Variants in CTNND2 observed in about 807,000 individuals in gnomAD.
CTNND2 encodes the protein catenin delta-2.
In CTNND2, 22 loss-of-function variants were observed where a neutral mutation model predicts 144.4. The observed-to-expected ratio is 0.15, with a 90% CI of 0.11 to 0.22. CTNND2 has a LOEUF of 0.22. Ranked by LOEUF, CTNND2 falls within the 10% of genes least tolerant of loss-of-function variation. The probability of loss-of-function intolerance (pLI) is 1.00; values close to 1 mark genes in which losing one functional copy is unlikely to be tolerated. For missense variants in CTNND2, 1,353 were observed against 1,618.8 expected (o/e 0.84, Z 2.82); for synonymous variants, 751 against 695.6 (o/e 1.08, Z -1.25).
At chr5:11,359,083 T>C (rs1452260118) in intron 8 of CTNND2, among the ~76,000 whole-genome samples, 2 of 152,316 alleles carry the variant, frequency 1.3e-5, no homozygotes, top group East Asian at 1.9e-4. Flanking sequence ...CATTCATACA[T>C]TTGAGTTTGA....
intron 1 of CTNND2, among the ~76,000 whole-genome samples, chr5:11,873,340 C>G (rs1735304539): frequency 6.6e-6 from 1 of 152,102 alleles, no homozygotes; most frequent in Non-Finnish European, 1.5e-5. Context: ...ACAGTTATCC[C>G]AAAACATAGC....
chr5:11,710,251 C>G (rs141790325), intron 2 of CTNND2, among the ~76,000 whole-genome samples: 1 of 152,092 alleles, frequency 6.6e-6, no homozygotes, highest in East Asian at 1.9e-4. Context: ...TTTAAGGAAC[C>G]CTTCGGTCCG....
chr5:11,190,155 A>G (rs927881731), intron 11 of CTNND2, among the ~76,000 whole-genome samples: 1 of 152,254 alleles, frequency 6.6e-6, no homozygotes, highest in Non-Finnish European at 1.5e-5. Context: ...ATCCATCAGA[A>G]TTAACAGCAA....
intron 6 of CTNND2, among the ~76,000 whole-genome samples, chr5:11,387,091 C>CCA (rs1759170105): frequency 2.0e-5 from 3 of 150,658 alleles, no homozygotes; most frequent in African/African-American, 7.3e-5. Flanking sequence ...CTTACCATTG[C>CCA]TATTTAATTC....
chr5:11,301,826 T>G (rs537599794), intron 9 of CTNND2, among the ~76,000 whole-genome samples: 7 of 152,130 alleles, frequency 4.6e-5, no homozygotes, highest in Non-Finnish European at 7.3e-5. Flanking sequence ...GGGGGAAAAA[T>G]AGATTCAAAT....
intron 11 of CTNND2, among the ~76,000 whole-genome samples, chr5:11,160,286 G>C (rs1036409157): frequency 2.6e-5 from 4 of 152,172 alleles, no homozygotes; most frequent in African/African-American, 9.7e-5. Flanking sequence ...AATTTAAACT[G>C]TTGCCCCTTG....
chr5:11,607,278 T>A (rs1780099845), intron 2 of CTNND2, among the ~76,000 whole-genome samples: 1 of 152,174 alleles, frequency 6.6e-6, no homozygotes, highest in Admixed American at 6.6e-5. Flanking sequence ...TAGCTTTTAA[T>A]AGCAGCCCTA....
At chr5:11,832,110 C>T (rs1276104500) in intron 1 of CTNND2, among the ~76,000 whole-genome samples, 1 of 151,914 alleles carries the variant, frequency 6.6e-6, no homozygotes, top group African/African-American at 2.4e-5. Context: ...GGTGAAACCC[C>T]GTCTCCACTA....
intron 16 of CTNND2, among the ~76,000 whole-genome samples, chr5:11,064,293 T>C (rs1411151913): frequency 6.6e-6 from 1 of 152,082 alleles, no homozygotes; most frequent in Non-Finnish European, 1.5e-5. Flanking sequence ...AAATAAGGAA[T>C]CTCACACGCC....
intron 8 of CTNND2, among the ~76,000 whole-genome samples, chr5:11,361,754 A>G (rs1283026875): frequency 6.6e-6 from 1 of 152,004 alleles, no homozygotes; most frequent in Non-Finnish European, 1.5e-5. Flanking sequence ...TCTTCATCCT[A>G]CCTTTGTTTA....
intron 16 of CTNND2, among the ~76,000 whole-genome samples, chr5:11,037,327 C>T (rs544594359): frequency 6.6e-6 from 1 of 152,178 alleles, no homozygotes; most frequent in South Asian, 2.1e-4. Flanking sequence ...ATCCTAAATA[C>T]CCCTGCCAAA....
At chr5:11,720,918 T>C (rs1203433765) in intron 2 of CTNND2, among the ~76,000 whole-genome samples, 1 of 152,208 alleles carries the variant, frequency 6.6e-6, no homozygotes, top group African/African-American at 2.4e-5. Flanking sequence ...TTCTTCAGAA[T>C]GTTAACCTAG....
intron 16 of CTNND2, among the ~76,000 whole-genome samples, chr5:11,071,955 G>T (rs1344472018): frequency 6.6e-6 from 1 of 152,160 alleles, no homozygotes; most frequent in Admixed American, 6.5e-5. Flanking sequence ...AAAAACTGGG[G>T]TTTATGTTCG....
chr5:11,265,698 ATTTTT>A (rs5865929), intron 9 of CTNND2, among the ~76,000 whole-genome samples: 32 of 77,412 alleles, frequency 4.1e-4, no homozygotes, highest in South Asian at 2.2e-3. Flanking sequence ...TGTATTCTCT[ATTTTT>A]TTTTTTTTTT....
intron 16 of CTNND2, among the ~76,000 whole-genome samples, chr5:11,060,544 G>C (rs963934000): frequency 3.9e-4 from 60 of 152,194 alleles, no homozygotes; most frequent in Non-Finnish European, 2.5e-4. Context: ...TGGAAATTCA[G>C]ACTTCTGATC....
intron 12 of CTNND2, among the ~76,000 whole-genome samples, chr5:11,149,041 G>A (rs1302759455): frequency 1.3e-5 from 2 of 152,196 alleles, no homozygotes; most frequent in African/African-American, 2.4e-5. Flanking sequence ...GAAACTCAGC[G>A]CTGCTTCCGT....
intron 3 of CTNND2, among the ~76,000 whole-genome samples, chr5:11,446,534 T>C (rs1005474722): frequency 3.3e-5 from 5 of 152,030 alleles, no homozygotes; most frequent in African/African-American, 9.7e-5. Context: ...TCTTCAAGAG[T>C]GTGGAGACTA....
At chr5:11,244,573 C>T (rs1165834360) in intron 9 of CTNND2, among the ~76,000 whole-genome samples, 2 of 152,182 alleles carry the variant, frequency 1.3e-5, no homozygotes, top group African/African-American at 2.4e-5. Context: ...GCATGAACCA[C>T]GGCGCCCGGC....
intron 2 of CTNND2, among the ~76,000 whole-genome samples, chr5:11,685,558 T>A (rs1784610388): frequency 6.6e-6 from 1 of 152,210 alleles, no homozygotes; most frequent in Non-Finnish European, 1.5e-5. Flanking sequence ...AATGGCTTAC[T>A]TTTCCAAACA....
Sources: gnomAD v4.1 joint callset for allele counts (sites outside exome capture counted in the v4.1 genomes callset) on GRCh38, gnomAD v4.1.1 for gene constraint, MANE v1.5 for transcripts, NCBI Gene and HGNC (gene_info 2026-07-23, HGNC 2026-07-21) for gene names.